The following COL9A3 variants were observed in gnomAD, a reference collection of about 807,000 sequenced individuals.
COL9A3 encodes collagen alpha-3(IX) chain.
A neutral mutation model predicts 110.2 loss-of-function variants in COL9A3; 82 were observed. The ratio of observed to expected loss-of-function variants is 0.74; its 90% CI spans 0.62 to 0.89. The LOEUF is 0.89. COL9A3 is among the 40% of genes least tolerant of loss of function. The probability of loss-of-function intolerance (pLI) is 0.00; values close to 1 mark genes in which losing one functional copy is unlikely to be tolerated. For synonymous variants in COL9A3, 494 were observed against 403.8 expected (o/e 1.22, Z -2.68); for missense variants, 1,066 against 981.3 (o/e 1.09, Z -1.15).
intron 22 of COL9A3, 99 bp from the exon 23 acceptor site, chr20:62,830,261 C>A: frequency 7.2e-7 from 1 of 1,387,906 alleles, no homozygotes; most frequent in Non-Finnish European, 1.0e-6. Flanking sequence ...GCTCCTGTGT[C>A]CACCCACTCT....
At position 62,837,577 on chromosome 20, in the gene COL9A3, G is replaced by A. The variant is rs532950892; in HGVS notation, c.1786+312G>A. On this transcript the variant is annotated intron_variant, in intron 30 of 31. Transcript: ENST00000649368. ...TAATCCCAACACTTTGGGGGGCTGAGGTGGGCAGATCACGAGGTCGGGAGT... is the reference window on the plus strand; with the variant it reads ...TAATCCCAACACTTTGGGGGGCTGAAGTGGGCAGATCACGAGGTCGGGAGT... 9.2e-5 allele frequency among the ~76,000 whole-genome samples: 14 copies of A among 152,338 alleles called. No individual in the cohort carries two copies. The East Asian group carries it at 2.3e-3, about 25-fold the overall frequency.
chr20:62,819,965 G>C lies in COL9A3; in HGVS notation c.292G>C (p.Gly98Arg). Residue 98 changes from glycine (G) to arginine (R), a missense_variant, in exon 5 of 32, where the codon GGT (glycine) becomes CGT (arginine). By Grantham distance (125) the Gly-to-Arg change is moderately radical. Transcript: ENST00000649368. ...ACGAGATGGACCCCCTGGACCCAAG[G>C]GTGCCCCTGGGGAACGGGTAAGTGC... is the stretch of plus-strand genomic sequence containing the variant. The part of the protein sequence containing the change: ...TGRDGPPGPK[G>R]APGERGSLGP... 10 of 1,612,888 alleles carry C rather than the reference G, an allele frequency of 6.2e-6. No homozygotes were observed. Among genetic ancestry groups the C allele is most frequent in the Non-Finnish European group, 8.5e-6 (10 of 1,179,978 alleles).
Position 62,836,198 on chromosome 20 carries a change from A to T in COL9A3, c.1413A>T (p.Arg471=), listed in dbSNP as rs555101682. The change falls in exon 28 of 32, where the codon CGA becomes CGT. Residue 471 remains arginine (R), a synonymous_variant. Transcript: ENST00000649368. The part of the protein sequence containing the change: ...LVGPKGESGS[R]GELGPKGTQG... ...CTGTTCCTCTGCAGTCTGGCAGTCGAGGGGAGCTGGGCCCCAAAGGCACCC... is the reference window on the plus strand; with the variant it reads ...CTGTTCCTCTGCAGTCTGGCAGTCGTGGGGAGCTGGGCCCCAAAGGCACCC... 6.2e-7 allele frequency: 1 copy of T among 1,613,346 alleles called. No homozygotes were observed. Among genetic ancestry groups the T allele is most frequent in the African/African-American group, 1.3e-5 (1 of 75,032 alleles).
intron 3 of COL9A3, among the ~76,000 whole-genome samples, chr20:62,819,012 G>A (rs1424486674): frequency 6.6e-6 from 1 of 152,200 alleles, no homozygotes; most frequent in Non-Finnish European, 1.5e-5. Flanking sequence ...GATGGGGCGG[G>A]CAGCCTTCCT....
rs1419457271 is a variant in COL9A3 at position 62,821,526 on chromosome 20, C to A, written c.365C>A (p.Pro122His). The part of the protein sequence containing the change: ...PGLGGKGLPG[P>H]PGEAGVSGPP... ...TTGCAGGGCAAAGGCCTCCCTGGAC[C>A]CCCCGTGAGTACTGACAACCCTTGG... The change falls in exon 7 of 32, where the codon CCC becomes CAC. Residue 122 changes from proline to histidine, a missense_variant. Physicochemically the swap from Pro to His is moderately conservative, Grantham distance 77. Coordinates refer to ENST00000649368, the MANE Select transcript of COL9A3 (RefSeq NM_001853.4). The A allele has an allele frequency of 1.9e-6, 3 of 1,612,708 alleles. No individual in the cohort carries two copies. The highest frequency in any genetic ancestry group is 2.7e-5 in the African/African-American group (2 of 74,918).
chr20:62,830,290 G>A (rs1568758588), intron 22 of COL9A3, 70 bp from the exon 23 acceptor site: 1 of 1,521,726 alleles, frequency 6.6e-7, no homozygotes, highest in East Asian at 2.5e-5. Context: ...GCTGAGCCAG[G>A]CTCCCTGGGG....
rs1375432712 is a variant in COL9A3, at chr20:62,837,218, CT to C, written c.1740del (p.Gly581AspfsTer92). 9 of 1,612,116 alleles carry C rather than the reference CT, an allele frequency of 5.6e-6. No homozygotes were observed. Among genetic ancestry groups the C allele is most frequent in the African/African-American group, 2.7e-5 (2 of 75,026 alleles). ...GGTCACCCTGGCGCTCGAGGACCCC[CT>C]GGATACCGCGGTCCCACTGGGGAGC... ...SIGHPGARGPPGYRGPTGELG... is the reference protein window; with the variant it reads ...SIGHPGARGPXGYRGPTGELG... On this transcript the variant is annotated frameshift_variant, in exon 30 of 32. Transcript: ENST00000649368. LOFTEE classifies it high-confidence loss of function.
At chr20:62,834,509 T>C (rs2063620377) in intron 26 of COL9A3, among the ~76,000 whole-genome samples, 1 of 152,198 alleles carries the variant, frequency 6.6e-6, no homozygotes, top group South Asian at 2.1e-4. Context: ...ATTAAGTCTT[T>C]CCTTTGCGTC....
In COL9A3 at chr20:62,838,815, T is replaced by C. The variant is rs971426229; in HGVS notation, c.1864+54T>C. The C allele has an allele frequency of 2.1e-6, 3 of 1,400,632 alleles. No individual in the cohort carries two copies. In the African/African-American group the frequency reaches 4.3e-5, roughly 20 times the overall value. 86.8% of individuals were successfully genotyped at this position (1,400,632 alleles called of 1,614,324 possible). On this transcript the variant is annotated intron_variant, in intron 31 of 31. Coordinates refer to ENST00000649368, the MANE Select transcript of COL9A3 (RefSeq NM_001853.4). ...CTGGGTGACATCTCTTCCGCCATCTTGTAGCTTTATGTGGGGCGTGCTTGG... is the reference window on the plus strand; with the variant it reads ...CTGGGTGACATCTCTTCCGCCATCTCGTAGCTTTATGTGGGGCGTGCTTGG...
chr20:62,826,468 G>A (rs894673517), intron 14 of COL9A3, among the ~76,000 whole-genome samples: 1 of 152,110 alleles, frequency 6.6e-6, no homozygotes, highest in Admixed American at 6.5e-5. Flanking sequence ...ACTGATGCCC[G>A]CACGCGGTCC....
Position 62,827,986 on chromosome 20 carries a change from C to T in COL9A3, c.900+10C>T, listed in dbSNP as rs750761185. On this transcript the variant is annotated intron_variant, in intron 17 of 31. Transcript: ENST00000649368. The stretch of plus-strand genomic sequence containing the variant: ...GCCAAGCGGAGAGCCGGTGAGTGCA[C>T]GTGGCTGCTCATGGAATGCTCCTCC... 4.2e-5 allele frequency: 67 copies of T among 1,612,624 alleles called. No individual in the cohort carries two copies. The East Asian group carries it at 1.3e-3, about 32-fold the overall frequency.
At chr20:62,820,104 T>A in intron 5 of COL9A3, 122 bp downstream of exon 5, 1 of 1,194,978 alleles carries the variant, frequency 8.4e-7, no homozygotes, top group Non-Finnish European at 1.2e-6. Context: ...GCCCTGCCCG[T>A]GCCTGGGGTG....
intron 14 of COL9A3, 31 bp downstream of exon 14, chr20:62,826,288 C>T (rs2063551696): frequency 2.6e-6 from 4 of 1,541,550 alleles, no homozygotes; most frequent in Non-Finnish European, 3.5e-6. Flanking sequence ...TGGGGGCCGG[C>T]CAGGTGGCTG....
chr20:62,819,890 C>T (rs781260261), intron 4 of COL9A3, 39 bp from the exon 5 acceptor site: 23 of 1,611,718 alleles, frequency 1.4e-5, no homozygotes, highest in Non-Finnish European at 1.8e-5. Context: ...CATGTGCTTC[C>T]CATGTGGCCC....
chr20:62,834,644 C>CT (rs992779478), intron 26 of COL9A3, among the ~76,000 whole-genome samples: 15 of 146,446 alleles, frequency 1.0e-4, no homozygotes, highest in African/African-American at 3.0e-4. Context: ...TTAGTGAATT[C>CT]TTTTTTTATT....
chr20:62,819,784 G>A (rs1272625067), intron 4 of COL9A3, 145 bp from the exon 5 acceptor site: 3 of 887,936 alleles, frequency 3.4e-6, no homozygotes, highest in Admixed American at 3.7e-5. Context: ...ACAGTGGACA[G>A]GGCCAAGAGA....
In COL9A3 at chr20:62,823,767, C is replaced by A. The variant is rs536545474; in HGVS notation, c.520-678C>A. On this transcript the variant is annotated intron_variant, in intron 10 of 31. Transcript: ENST00000649368. ...AGTGCCCCTCCTAAAAGCCCCATGC[C>A]GAGCACATTCCTGTGCTGAGGATGG... is the stretch of plus-strand genomic sequence containing the variant. Among the ~76,000 whole-genome samples the A allele has an allele frequency of 3.9e-5, 6 of 152,372 alleles. No individual in the cohort carries two copies. In the South Asian group the frequency reaches 1.0e-3, roughly 26 times the overall value.
In COL9A3 at chr20:62,837,101, C is replaced by T. The variant is rs1291260570; in HGVS notation, c.1622C>T (p.Ala541Val). 6.2e-7 allele frequency: 1 copy of T among 1,613,420 alleles called. No individual in the cohort carries two copies. The highest frequency in any genetic ancestry group is 8.5e-7 in the Non-Finnish European group (1 of 1,180,014). ...CCCAAAGAACAAATTGCACAGTTAG[C>T]CGCGCACCTAAGGAAGCCTTTGGCA... Reference protein sequence around the residue: ...GMISEQIAQLAAHLRKPLAPG... With the variant: ...GMISEQIAQLVAHLRKPLAPG... Residue 541 changes from alanine (A) to valine (V), a missense_variant, in exon 30 of 32, where the codon GCC (alanine) becomes GTC (valine). Coordinates refer to ENST00000649368, the MANE Select transcript of COL9A3 (RefSeq NM_001853.4).
In COL9A3 at chr20:62,840,855, G is replaced by A. The variant is rs945278372; in HGVS notation, c.*123G>A. 22 of 1,177,252 alleles carry A rather than the reference G, an allele frequency of 1.9e-5. No individual in the cohort carries two copies. Among genetic ancestry groups the A allele is most frequent in the South Asian group, 6.7e-5 (5 of 74,314 alleles). 72.9% of individuals were successfully genotyped at this position (1,177,252 alleles called of 1,614,324 possible). ...GAGCGCCCCTGGCTGCCCCTCGGCCGCCGACTGGACGCGCGGGCCTTGCCA... is the reference window on the plus strand; with the variant it reads ...GAGCGCCCCTGGCTGCCCCTCGGCCACCGACTGGACGCGCGGGCCTTGCCA... On this transcript the variant is annotated 3_prime_UTR_variant, in exon 32 of 32. Transcript: ENST00000649368.
Sources: gnomAD v4.1 joint callset for allele counts (sites outside exome capture counted in the v4.1 genomes callset) on GRCh38, gnomAD v4.1.1 for gene constraint, MANE v1.5 for transcripts, NCBI Gene and HGNC (gene_info 2026-07-23, HGNC 2026-07-21) for gene names.